NCR2: variants seen among roughly 807,000 people sequenced by gnomAD.
NCR2 encodes the protein natural cytotoxicity triggering receptor 2.
A neutral mutation model predicts 30.7 loss-of-function variants in NCR2; 35 were observed. The observed-to-expected ratio is 1.14, with a 90% CI of 0.87 to 1.51. The LOEUF is 1.51. NCR2 is among the 40% of genes most tolerant of loss of function. The pLI is 0.00. For missense variants in NCR2, 316 were observed against 328.9 expected (o/e 0.96, Z 0.30); for synonymous variants, 146 against 134.8 (o/e 1.08, Z -0.58).
At chr6:41,338,052 A>G (rs1187488936) in intron 2 of NCR2, among the ~76,000 whole-genome samples, 1 of 152,246 alleles carries the variant, frequency 6.6e-6, no homozygotes, top group East Asian at 1.9e-4. Flanking sequence ...ATTCATAGAA[A>G]TGGTTCTTCT....
intron 2 of NCR2, 126 bp from the exon 3 acceptor site, chr6:41,341,668 A>T: frequency 2.4e-6 from 3 of 1,233,908 alleles, no homozygotes; most frequent in Non-Finnish European, 3.4e-6. Context: ...CCCTCAAATT[A>T]GTTTTCTTCT....
rs1265796633 is a variant in NCR2 at position 41,342,159 on chromosome 6, G to A, written c.644+10G>A. 2 of 1,611,940 alleles carry A rather than the reference G, an allele frequency of 1.2e-6. No homozygotes were observed. Among genetic ancestry groups the A allele is most frequent in the South Asian group, 1.1e-5 (1 of 91,084 alleles). ...CCCTGCTCGTCTGGTGGTGAGTGTG[G>A]TGTGGGTTGAACTCGGGGAAAATGG... On this transcript the variant is annotated intron_variant, in intron 4 of 4. Transcript: ENST00000373089.
chr6:41,347,201 C>T (rs1769321474), intron 4 of NCR2, among the ~76,000 whole-genome samples: 1 of 152,160 alleles, frequency 6.6e-6, no homozygotes, highest in Non-Finnish European at 1.5e-5. Context: ...GGTGACAGAG[C>T]AAGACCCTGT....
chr6:41,344,691 G>A (rs188736858), intron 4 of NCR2, among the ~76,000 whole-genome samples: 8 of 152,162 alleles, frequency 5.3e-5, no homozygotes, highest in Admixed American at 1.3e-4. Flanking sequence ...GAACTTTTCC[G>A]AAGCTTTCCA....
intron 4 of NCR2, among the ~76,000 whole-genome samples, chr6:41,344,008 C>T (rs1376769831): frequency 6.6e-6 from 1 of 152,182 alleles, no homozygotes; most frequent in Admixed American, 6.5e-5. Flanking sequence ...AAGGCCTCTC[C>T]TATTGTGCCT....
Position 41,336,256 on chromosome 6 carries a change from G to T in NCR2, c.222G>T (p.Thr74=). The T allele has an allele frequency of 1.9e-6, 3 of 1,614,154 alleles. No homozygotes were observed. The highest frequency in any genetic ancestry group is 1.7e-6 in the Non-Finnish European group (2 of 1,180,032). ...TAGTCACCAGCTCCAAGCCCAGGAC[G>T]ATGGCTTGGACCTCTCGATTCACAA... ...IRLVTSSKPR[T]MAWTSRFTIW... The change falls in exon 2 of 5, where the codon ACG becomes ACT. Residue 74 remains threonine, a synonymous_variant. Transcript: ENST00000373089.
In NCR2 at chr6:41,347,572, C is replaced by T. The variant is rs555509936; in HGVS notation, c.645-3106C>T. 5.3e-5 allele frequency among the ~76,000 whole-genome samples: 8 copies of T among 152,360 alleles called. No homozygotes were observed. In the South Asian group the frequency reaches 1.7e-3, roughly 32 times the overall value. On this transcript the variant is annotated intron_variant, in intron 4 of 4. Transcript: ENST00000373089. ...AGAGGAGCACCCTAGGCATGGCCTC[C>T]CACTTCTGCCTTCTTGAGATGCTTT...
At chr6:41,348,311 C>A (rs1304485986) in intron 4 of NCR2, among the ~76,000 whole-genome samples, 2 of 152,142 alleles carry the variant, frequency 1.3e-5, no homozygotes, top group African/African-American at 4.8e-5. Context: ...GAGGAAATTC[C>A]TCAGGTGTAA....
chr6:41,337,973 G>A (rs1028905288), intron 2 of NCR2, among the ~76,000 whole-genome samples: 1 of 152,176 alleles, frequency 6.6e-6, no homozygotes, highest in Non-Finnish European at 1.5e-5. Flanking sequence ...CACTTGTGAA[G>A]ATATGCAATA....
rs34270868 is a variant in NCR2 at position 41,340,147 on chromosome 6, C to CTTTATTTATTTATTTATTTATTTATTTA, written c.395-1644_395-1617dup. ...TACACTTTTGGGCTATAGCTAACAA[C>CTTTATTTATTTATTTATTTATTTATTTA]TTTATTTATTTATTTATTTATTTAT... On this transcript the variant is annotated intron_variant, in intron 2 of 4. Transcript: ENST00000373089. Among the ~76,000 whole-genome samples, 213 of 147,312 alleles carry CTTTATTTATTTATTTATTTATTTATTTA rather than the reference C, an allele frequency of 1.4e-3. 3 individuals are homozygous for CTTTATTTATTTATTTATTTATTTATTTA. The highest frequency in any genetic ancestry group is 4.3e-3 in the African/African-American group (168 of 39,348).
chr6:41,345,936 C>T (rs1440412370), intron 4 of NCR2, among the ~76,000 whole-genome samples: 1 of 152,060 alleles, frequency 6.6e-6, no homozygotes, highest in African/African-American at 2.4e-5. Context: ...GGGAGGGAGG[C>T]GGTTTGTTCT....
chr6:41,350,878 C>G lies in NCR2; in HGVS notation c.*14C>G. 1 of 809,854 alleles carries G rather than the reference C, an allele frequency of 1.2e-6. No individual in the cohort carries two copies. The highest frequency in any genetic ancestry group is 2.2e-6 in the Non-Finnish European group (1 of 458,430). The allele number at this position is 809,854 out of a possible 1,614,324, so 50.2% of individuals were successfully genotyped here. On this transcript the variant is annotated 3_prime_UTR_variant, in exon 5 of 5. Coordinates refer to ENST00000373089, the MANE Select transcript of NCR2 (RefSeq NM_004828.4). ...CACACTTTGTGAATAATAAAATTAT[C>G]TGAATGTTTTATTCCTGTTGTTTCC...
Position 41,335,744 on chromosome 6 carries a change from A to T in NCR2, c.-133A>T, listed in dbSNP as rs1561939617. 1 of 1,026,336 alleles carries T rather than the reference A, an allele frequency of 9.7e-7. No homozygotes were observed. The highest frequency in any genetic ancestry group is 2.6e-5 in the East Asian group (1 of 38,338). The allele number at this position is 1,026,336 out of a possible 1,614,324, so 63.6% of individuals were successfully genotyped here. A position where few individuals can be genotyped will look rare whatever the true frequency, so the allele number is the denominator to read the frequency against. The stretch of plus-strand genomic sequence containing the variant: ...CCCTTTGCAGTCTCCCATCTCCCCA[A>T]CCCAGGCCTCAGCCTGTCTCATTTT... On this transcript the variant is annotated 5_prime_UTR_variant, in exon 1 of 5. Transcript: ENST00000373089.
chr6:41,350,745 C>T lies in NCR2; in HGVS notation c.712C>T (p.Leu238Phe). 6.2e-7 allele frequency: 1 copy of T among 1,613,288 alleles called. No individual in the cohort carries two copies. Among genetic ancestry groups the T allele is most frequent in the Non-Finnish European group, 8.5e-7 (1 of 1,179,196 alleles). The part of the protein sequence containing the change: ...SLDTQKATCH[L>F]QQVTDLPWTS... ...GGATACCCAAAAAGCCACCTGCCAC[C>T]TTCAACAGGTCACGGACCTTCCCTG... The change falls in exon 5 of 5, where the codon CTT becomes TTT. Residue 238 changes from leucine to phenylalanine, a missense_variant. By Grantham distance (22) the Leu-to-Phe change is conservative. Coordinates refer to ENST00000373089, the MANE Select transcript of NCR2 (RefSeq NM_004828.4).
chr6:41,341,402 A>C (rs770389044), intron 2 of NCR2, among the ~76,000 whole-genome samples: 2 of 152,098 alleles, frequency 1.3e-5, no homozygotes, highest in African/African-American at 2.4e-5. Flanking sequence ...CAAATTCCCC[A>C]CAAGAGGCTC....
chr6:41,348,597 T>C (rs1014435797), intron 4 of NCR2, among the ~76,000 whole-genome samples: 1 of 152,174 alleles, frequency 6.6e-6, no homozygotes, highest in Non-Finnish European at 1.5e-5. Context: ...TCCTCTGTGC[T>C]CGAGTATGTC....
At chr6:41,340,604 G>T (rs1330504622) in intron 2 of NCR2, among the ~76,000 whole-genome samples, 1 of 152,294 alleles carries the variant, frequency 6.6e-6, no homozygotes, top group East Asian at 1.9e-4. Context: ...GAGATGAGAC[G>T]AGTTAACTAA....
intron 4 of NCR2, among the ~76,000 whole-genome samples, chr6:41,349,868 T>G (rs1428020086): frequency 2.0e-5 from 3 of 152,206 alleles, no homozygotes; most frequent in Non-Finnish European, 4.4e-5. Flanking sequence ...GGCTGAGAAT[T>G]TTTTAAGTCA....
chr6:41,336,084 CA>C lies in NCR2; in HGVS notation c.53-2del. On this transcript the variant is annotated splice_acceptor_variant, in intron 1 of 4. Coordinates refer to ENST00000373089, the MANE Select transcript of NCR2 (RefSeq NM_004828.4). LOFTEE classifies it high-confidence loss of function. Reference sequence around the variant, plus strand: ...ACCTATGCGTTACTTCATCATTCTCCAGGCTCTCAGGCACAATCCAAGGCTC... The same window carrying C: ...ACCTATGCGTTACTTCATCATTCTCCGGCTCTCAGGCACAATCCAAGGCTC... 1 of 1,611,224 alleles carries C rather than the reference CA, an allele frequency of 6.2e-7. No homozygotes were observed. The highest frequency in any genetic ancestry group is 1.1e-5 in the South Asian group (1 of 90,864).
Sources: gnomAD v4.1 joint callset for allele counts (sites outside exome capture counted in the v4.1 genomes callset) on GRCh38, gnomAD v4.1.1 for gene constraint, MANE v1.5 for transcripts, NCBI Gene and HGNC (gene_info 2026-07-23, HGNC 2026-07-21) for gene names.